Variants in C10orf90 observed in about 807,000 individuals in gnomAD.
C10orf90 encodes (E2-independent) E3 ubiquitin-conjugating enzyme FATS.
C10orf90 carries 56 observed loss-of-function variants against 62.5 expected under a neutral mutation model. The observed-to-expected ratio is 0.90, with a 90% CI of 0.72 to 1.12. The LOEUF is 1.12. C10orf90 is among the 50% of genes most tolerant of loss of function. The pLI is 0.00. For synonymous variants in C10orf90, 386 were observed against 340.4 expected (o/e 1.13, Z -1.47); for missense variants, 970 against 880.4 (o/e 1.10, Z -1.29).
chr10:126,459,793 A>G (rs1440051457), intron 6 of C10orf90, among the ~76,000 whole-genome samples: 2 of 152,330 alleles, frequency 1.3e-5, no homozygotes, highest in East Asian at 3.9e-4. Flanking sequence ...TGTGAGCTCC[A>G]CAAACCATGT....
At chr10:126,649,757 C>T (rs2133856674) in intron 1 of C10orf90, among the ~76,000 whole-genome samples, 1 of 152,284 alleles carries the variant, frequency 6.6e-6, no homozygotes, top group Non-Finnish European at 1.5e-5. Flanking sequence ...AAGTTGTTGG[C>T]CTCACTTGCT....
intron 3 of C10orf90, 87 bp downstream of exon 3, chr10:126,513,761 G>T: frequency 1.3e-6 from 1 of 769,142 alleles, no homozygotes. Flanking sequence ...AAAATAAAAT[G>T]CAATCACATC....
chr10:126,509,299 T>C (rs1206211456), intron 3 of C10orf90, among the ~76,000 whole-genome samples: 3 of 152,158 alleles, frequency 2.0e-5, no homozygotes, highest in African/African-American at 7.2e-5. Flanking sequence ...AAAATAGATT[T>C]GCCCTCTCAA....
intron 1 of C10orf90, among the ~76,000 whole-genome samples, chr10:126,648,414 G>C (rs996659977): frequency 2.0e-5 from 3 of 152,160 alleles, no homozygotes; most frequent in Admixed American, 6.5e-5. Flanking sequence ...AGTTTCTGTT[G>C]TTTATAAATT....
At chr10:126,532,000 T>C (rs1012451431) in intron 2 of C10orf90, among the ~76,000 whole-genome samples, 12 of 152,166 alleles carry the variant, frequency 7.9e-5, no homozygotes, top group African/African-American at 2.9e-4. Context: ...GGGTTGGAAA[T>C]CACACACATT....
At chr10:126,553,488 A>T (rs1439016589) in intron 2 of C10orf90, among the ~76,000 whole-genome samples, 1 of 152,226 alleles carries the variant, frequency 6.6e-6, no homozygotes, top group Non-Finnish European at 1.5e-5. Context: ...ATGGTCTCAT[A>T]AGATCATAAT....
At chr10:126,604,120 T>C (rs2134045249) in intron 2 of C10orf90, among the ~76,000 whole-genome samples, 1 of 152,284 alleles carries the variant, frequency 6.6e-6, no homozygotes, top group African/African-American at 2.4e-5. Context: ...CCACCCACCT[T>C]GACAGGATGA....
Position 126,461,517 on chromosome 10 carries a change from G to C in C10orf90, c.1894C>G (p.Pro632Ala), listed in dbSNP as rs375754698. ...GAGGGTGCTGCTGGGGAGGGCTCAG[G>C]TGTGGTGGGGTCCTCACTCTTCTTA... The part of the protein sequence containing the change: ...ECKKSEDPTT[P>A]EPSPAAPSPA... Residue 632 changes from proline to alanine, a missense_variant, in exon 6 of 10, where the codon CCT becomes GCT. Transcript: ENST00000488181. 8 of 1,613,982 alleles carry C rather than the reference G, an allele frequency of 5.0e-6. No individual in the cohort carries two copies. Among genetic ancestry groups the C allele is most frequent in the Non-Finnish European group, 5.1e-6 (6 of 1,180,028 alleles).
At chr10:126,527,356 C>T (rs1293110511) in intron 2 of C10orf90, among the ~76,000 whole-genome samples, 3 of 152,134 alleles carry the variant, frequency 2.0e-5, no homozygotes, top group Admixed American at 2.0e-4. Context: ...ATTTGCCTTT[C>T]TTCTTTGGAA....
Position 126,567,458 on chromosome 10 carries a change from A to G in C10orf90, c.314-53519T>C, listed in dbSNP as rs116503413. Among the ~76,000 whole-genome samples the G allele has an allele frequency of 7.6e-3, 1,161 of 152,216 alleles. 8 individuals are homozygous for G. The highest frequency in any genetic ancestry group is 0.024 in the African/African-American group (1,005 of 41,534). On this transcript the variant is annotated intron_variant, in intron 2 of 9. Coordinates refer to ENST00000488181, the MANE Select transcript of C10orf90 (RefSeq NM_001350921.2). ...CCCTCCTCCAACACTGGAGATGACA[A>G]TTTGACATGAGATTTGAGCAGGGAC...
intron 2 of C10orf90, among the ~76,000 whole-genome samples, chr10:126,518,138 C>A (rs1208557481): frequency 6.6e-6 from 1 of 152,086 alleles, no homozygotes; most frequent in Non-Finnish European, 1.5e-5. Flanking sequence ...GGAAACCTGA[C>A]CCGAGACAGG....
intron 4 of C10orf90, among the ~76,000 whole-genome samples, chr10:126,490,845 T>C (rs1861730213): frequency 6.6e-6 from 1 of 151,864 alleles, no homozygotes; most frequent in Admixed American, 6.6e-5. Flanking sequence ...CCTAGAGCAA[T>C]AAGGCAAGAA....
intron 4 of C10orf90, among the ~76,000 whole-genome samples, chr10:126,493,956 G>A (rs1241838684): frequency 6.6e-6 from 1 of 152,214 alleles, no homozygotes; most frequent in Non-Finnish European, 1.5e-5. Flanking sequence ...TCCGCTGGCT[G>A]GGGTCTGATG....
chr10:126,436,308 A>G (rs1471002747), intron 7 of C10orf90, among the ~76,000 whole-genome samples: 2 of 152,244 alleles, frequency 1.3e-5, no homozygotes, highest in Non-Finnish European at 2.9e-5. Flanking sequence ...TGCAATGAGC[A>G]CATTGTTGAA....
At position 126,426,578 on chromosome 10, in the gene C10orf90, A is replaced by G. The variant is rs1056547097; in HGVS notation, c.2253-488T>C. Among the ~76,000 whole-genome samples, 3 of 152,362 alleles carry G rather than the reference A, an allele frequency of 2.0e-5. No individual in the cohort carries two copies. The East Asian group carries it at 5.8e-4, about 29-fold the overall frequency. ...CTTATAATACTGTAATAAAACACAT[A>G]TAAGTGTGTGTGTTTTTACCTCTCA... On this transcript the variant is annotated intron_variant, in intron 8 of 9. Coordinates refer to ENST00000488181, the MANE Select transcript of C10orf90 (RefSeq NM_001350921.2).
Position 126,512,547 on chromosome 10 carries a change from C to T in C10orf90, c.405+1301G>A, listed in dbSNP as rs115916719. Among the ~76,000 whole-genome samples the T allele has an allele frequency of 5.6e-3, 857 of 152,118 alleles. 9 individuals carry two copies. Among genetic ancestry groups the T allele is most frequent in the African/African-American group, 0.019 (786 of 41,496 alleles). On this transcript the variant is annotated intron_variant, in intron 3 of 9. Transcript: ENST00000488181. ...AAATTTGCCAGCTCGGTGTGAAAAA[C>T]AGGTGACAAATATCCTCAGTTGATA...
chr10:126,517,748 A>G (rs778077501), intron 2 of C10orf90, among the ~76,000 whole-genome samples: 30 of 152,110 alleles, frequency 2.0e-4, no homozygotes, highest in Non-Finnish European at 4.3e-4. Context: ...CGTCTCTACT[A>G]AAAATACAAA....
chr10:126,576,556 A>G (rs1844614556), intron 2 of C10orf90, among the ~76,000 whole-genome samples: 1 of 151,648 alleles, frequency 6.6e-6, no homozygotes, highest in Non-Finnish European at 1.5e-5. Context: ...TGATTCAGCA[A>G]TCCCACTACT....
intron 4 of C10orf90, among the ~76,000 whole-genome samples, chr10:126,475,559 G>C (rs1322291201): frequency 6.6e-6 from 1 of 152,140 alleles, no homozygotes; most frequent in African/African-American, 2.4e-5. Flanking sequence ...GCAATAATTT[G>C]AACATATACT....
Sources: gnomAD v4.1 joint callset for allele counts (sites outside exome capture counted in the v4.1 genomes callset) on GRCh38, gnomAD v4.1.1 for gene constraint, MANE v1.5 for transcripts, NCBI Gene and HGNC (gene_info 2026-07-23, HGNC 2026-07-21) for gene names.